Variants in PANX3 observed in about 807,000 individuals in gnomAD.
PANX3 encodes pannexin-3.
Under a neutral mutation model 31.5 loss-of-function variants are expected in PANX3, and 18 were observed. That is an observed-to-expected ratio of 0.57 (90% confidence interval 0.39 to 0.85). The LOEUF is 0.85. Among genes scored for constraint, PANX3 ranks in the 40% least tolerant of loss-of-function variants. PANX3 has a pLI of 0.00. For synonymous variants in PANX3, 194 were observed against 201.6 expected, an observed-to-expected ratio of 0.96 and a Z score of 0.32; for missense variants, 426 against 485.4, an observed-to-expected ratio of 0.88 and a Z score of 1.15.
At position 124,619,310 on chromosome 11, in the gene PANX3, G is replaced by A. The variant is rs761067273; in HGVS notation, c.554G>A (p.Arg185Gln). The part of the protein sequence containing the change: ...WNELEKARKE[R>Q]YFEFPLLERY... ...CCACTGCCCAGGGCTCGGAAAGAAC[G>A]ATACTTTGAATTCCCTTTGCTAGAG... The change falls in exon 4 of 4, where the codon CGA (arginine) becomes CAA (glutamine). Residue 185 changes from arginine (R) to glutamine (Q), a missense_variant. Coordinates refer to ENST00000284288, the MANE Select transcript of PANX3 (RefSeq NM_052959.3). 4 of 1,613,060 alleles carry A rather than the reference G, an allele frequency of 2.5e-6. No homozygotes were observed. Among genetic ancestry groups the A allele is most frequent in the Admixed American group, 3.3e-5 (2 of 59,996 alleles).
In PANX3 at chr11:124,619,493, C is replaced by A. The variant is rs1288403340; in HGVS notation, c.737C>A (p.Thr246Lys). The change falls in exon 4 of 4, where the codon ACA becomes AAA. Residue 246 changes from threonine (T) to lysine (K), a missense_variant. Coordinates refer to ENST00000284288, the MANE Select transcript of PANX3 (RefSeq NM_052959.3). ...FQEEFSCSIKTGLLSDETHVP... is the reference protein window; with the variant it reads ...FQEEFSCSIKKGLLSDETHVP... The stretch of plus-strand genomic sequence containing the variant: ...GAAGAATTCAGCTGCTCCATCAAGA[C>A]AGGGCTGCTAAGTGATGAGACCCAT... 1 of 1,614,104 alleles carries A rather than the reference C, an allele frequency of 6.2e-7. No homozygotes were observed. Among genetic ancestry groups the A allele is most frequent in the East Asian group, 2.2e-5 (1 of 44,902 alleles).
chr11:124,614,791 C>T (rs1374076103), intron 2 of PANX3, among the ~76,000 whole-genome samples: 1 of 151,020 alleles, frequency 6.6e-6, no homozygotes, highest in African/African-American at 2.4e-5. Context: ...ATTCTCCCGC[C>T]TCAGCCTCCC....
rs761522168 is a variant in PANX3 at position 124,613,047 on chromosome 11, C to T, written c.249C>T (p.Ser83=). The T allele has an allele frequency of 6.2e-7, 1 of 1,614,066 alleles. No individual in the cohort carries two copies. Among genetic ancestry groups the T allele is most frequent in the Non-Finnish European group, 8.5e-7 (1 of 1,180,036 alleles). The change falls in exon 2 of 4, where the codon TCC becomes TCT. Residue 83 remains serine (S), a synonymous_variant. Coordinates refer to ENST00000284288, the MANE Select transcript of PANX3 (RefSeq NM_052959.3). ...GGCAGGCAGCCTACGTGGACAGCTC[C>T]TGCTGGGACTCACTGCTTCACCATA... is the stretch of plus-strand genomic sequence containing the variant. The part of the protein sequence containing the change: ...SIRQAAYVDS[S]CWDSLLHHKQ...
chr11:124,615,041 A>ACATAT (rs1400160496), intron 2 of PANX3, among the ~76,000 whole-genome samples: 2 of 151,760 alleles, frequency 1.3e-5, no homozygotes, highest in Non-Finnish European at 2.9e-5. Flanking sequence ...GCCTTTCCCA[A>ACATAT]CATATCTTTC....
In PANX3 at chr11:124,619,350, T is replaced by C; in HGVS notation, c.594T>C (p.Cys198=). Residue 198 remains cysteine (C), a synonymous_variant, in exon 4 of 4, where the codon TGT becomes TGC. Transcript: ENST00000284288. ...CTTTGCTAGAGCGGTACCTGGCATG[T>C]AAGCAGCGTTCACATTCGCTAGTGG... ...EFPLLERYLA[C]KQRSHSLVAT... The C allele has an allele frequency of 6.2e-7, 1 of 1,614,194 alleles. No individual in the cohort carries two copies. Among genetic ancestry groups the C allele is most frequent in the South Asian group, 1.1e-5 (1 of 91,074 alleles).
chr11:124,613,640 G>A (rs748873402), intron 2 of PANX3, among the ~76,000 whole-genome samples: 3 of 152,272 alleles, frequency 2.0e-5, no homozygotes, highest in Admixed American at 6.5e-5. Flanking sequence ...GGGAGTAACC[G>A]TCAAGCCTCT....
At position 124,619,300 on chromosome 11, in the gene PANX3, C is replaced by G. The variant is rs772357846; in HGVS notation, c.544C>G (p.Arg182Gly). The G allele has an allele frequency of 1.2e-6, 2 of 1,610,508 alleles. No individual in the cohort carries two copies. Among genetic ancestry groups the G allele is most frequent in the Non-Finnish European group, 8.5e-7 (1 of 1,178,636 alleles). ...YVFWNELEKA[R>G]KERYFEFPLL... ...CTCCTTCCTTCCACTGCCCAGGGCT[C>G]GGAAAGAACGATACTTTGAATTCCC... is the stretch of plus-strand genomic sequence containing the variant. Residue 182 changes from arginine (R) to glycine (G), a missense_variant, in exon 4 of 4, where the codon CGG becomes GGG. Coordinates refer to ENST00000284288, the MANE Select transcript of PANX3 (RefSeq NM_052959.3).
chr11:124,611,758 A>C (rs1204713867), intron 1 of PANX3, 21 bp downstream of exon 1: 2 of 1,603,740 alleles, frequency 1.2e-6, no homozygotes, highest in Non-Finnish European at 1.7e-6. Flanking sequence ...TCCAAGACCC[A>C]GTGCGCAAGA....
chr11:124,614,522 C>T (rs550192579), intron 2 of PANX3, among the ~76,000 whole-genome samples: 2 of 152,286 alleles, frequency 1.3e-5, no homozygotes, highest in Admixed American at 1.3e-4. Context: ...CCTGCCTCAG[C>T]CTCCCAAAGT....
At chr11:124,613,621 A>G (rs757979644) in intron 2 of PANX3, among the ~76,000 whole-genome samples, 2 of 152,120 alleles carry the variant, frequency 1.3e-5, no homozygotes, top group African/African-American at 2.4e-5. Context: ...ATCTGGTTTA[A>G]TCTCTCCAGG....
In PANX3 at chr11:124,619,575, C is replaced by T; in HGVS notation, c.819C>T (p.Ser273=). ...LTSLSIFQIV[S]LSSVAIYTIL... ...CACTGTCCATTTTCCAGATTGTTAG[C>T]CTCTCCAGTGTAGCAATATACACCA... The change falls in exon 4 of 4, where the codon AGC becomes AGT. Residue 273 remains serine (S), a synonymous_variant. Transcript: ENST00000284288. The T allele has an allele frequency of 6.2e-7, 1 of 1,614,126 alleles. No homozygotes were observed. Among genetic ancestry groups the T allele is most frequent in the Non-Finnish European group, 8.5e-7 (1 of 1,180,034 alleles).
In PANX3 at chr11:124,619,943, A is replaced by T. The variant is rs1323809954; in HGVS notation, c.*8A>T. The T allele has an allele frequency of 6.3e-7, 1 of 1,581,214 alleles. No individual in the cohort carries two copies. The highest frequency in any genetic ancestry group is 2.2e-5 in the East Asian group (1 of 44,632). On this transcript the variant is annotated 3_prime_UTR_variant, in exon 4 of 4. Coordinates refer to ENST00000284288, the MANE Select transcript of PANX3 (RefSeq NM_052959.3). ...TGTGATGAACACCCATAGTTAAGAA[A>T]CCATGGAGCAAGAAAGCTTGTGGAA...
intron 3 of PANX3, among the ~76,000 whole-genome samples, chr11:124,618,271 T>A (rs566899153): frequency 6.6e-6 from 1 of 152,248 alleles, no homozygotes; most frequent in African/African-American, 2.4e-5. Context: ...TTTATGCACA[T>A]ACTCTATCTT....
At position 124,619,913 on chromosome 11, in the gene PANX3, C is replaced by T. The variant is rs747899474; in HGVS notation, c.1157C>T (p.Ser386Leu). 18 of 1,608,286 alleles carry T rather than the reference C, an allele frequency of 1.1e-5. No individual in the cohort carries two copies. Among genetic ancestry groups the T allele is most frequent in the Admixed American group, 3.4e-5 (2 of 58,898 alleles). Reference sequence around the variant, plus strand: ...TCAAAACCCAAACACCTCACCAACTCGGCATGTGATGAACACCCATAGTTA... The same window carrying T: ...TCAAAACCCAAACACCTCACCAACTTGGCATGTGATGAACACCCATAGTTA... ...EPSKPKHLTN[S>L]ACDEHP The change falls in exon 4 of 4, where the codon TCG becomes TTG. Residue 386 changes from serine (S) to leucine (L), a missense_variant. By Grantham distance (145) the Ser-to-Leu change is moderately radical (BLOSUM62 -2). Transcript: ENST00000284288.
chr11:124,614,156 G>T (rs1336567741), intron 2 of PANX3, among the ~76,000 whole-genome samples: 1 of 125,126 alleles, frequency 8.0e-6, no homozygotes, highest in Middle Eastern at 4.4e-3. Flanking sequence ...GTTCAGGAAG[G>T]ATCTAAATGG....
chr11:124,619,152 C>A, intron 3 of PANX3, 144 bp from the exon 4 acceptor site: 3 of 823,166 alleles, frequency 3.6e-6, no homozygotes, highest in Non-Finnish European at 5.7e-6. Context: ...GGGGGAGAAG[C>A]ATGGTTATGC....
chr11:124,614,167 T>TAAAAA (rs71042444), intron 2 of PANX3, among the ~76,000 whole-genome samples: 8 of 73,454 alleles, frequency 1.1e-4, no homozygotes, highest in East Asian at 4.0e-4. Context: ...ATCTAAATGG[T>TAAAAA]AAAAAAAAAA....
intron 2 of PANX3, among the ~76,000 whole-genome samples, chr11:124,613,512 A>C (rs936730066): frequency 6.6e-6 from 1 of 152,098 alleles, no homozygotes; most frequent in Admixed American, 6.6e-5. Flanking sequence ...CCAACCCTCT[A>C]GGAACTCGGC....
At position 124,619,907 on chromosome 11, in the gene PANX3, C is replaced by A; in HGVS notation, c.1151C>A (p.Thr384Asn). ...GLEPSKPKHLTNSACDEHP is the reference protein window; with the variant it reads ...GLEPSKPKHLNNSACDEHP ...GAACCCTCAAAACCCAAACACCTCA[C>A]CAACTCGGCATGTGATGAACACCCA... Residue 384 changes from threonine (T) to asparagine (N), a missense_variant, in exon 4 of 4, where the codon ACC (threonine) becomes AAC (asparagine). Thr to Asn is a moderately conservative substitution (Grantham distance 65). Transcript: ENST00000284288. 2 of 1,610,062 alleles carry A rather than the reference C, an allele frequency of 1.2e-6. No individual in the cohort carries two copies. The highest frequency in any genetic ancestry group is 1.7e-6 in the Non-Finnish European group (2 of 1,178,434).
Sources: allele counts gnomAD v4.1 joint callset (sites outside exome capture counted in the v4.1 genomes callset), GRCh38; gene constraint gnomAD v4.1.1; transcripts MANE v1.5; gene names NCBI Gene and HGNC (gene_info 2026-07-23, HGNC 2026-07-21).